Variants in CCDC69 observed in about 807,000 individuals in gnomAD.
CCDC69 encodes the protein coiled-coil domain containing 69, also known as coiled-coil domain-containing protein 69.
CCDC69 carries 38 observed loss-of-function variants against 40.3 expected under a neutral mutation model. The ratio of observed to expected loss-of-function variants is 0.94; its 90% CI spans 0.73 to 1.24. CCDC69 has a LOEUF of 1.24. Ranked by LOEUF, CCDC69 falls within the 50% of genes most tolerant of loss-of-function variation. The probability of loss-of-function intolerance (pLI) is 0.00; values close to 1 mark genes in which losing one functional copy is unlikely to be tolerated. For missense variants in CCDC69, 389 were observed against 357.9 expected (o/e 1.09, Z -0.70); for synonymous variants, 141 against 138.9 (o/e 1.02, Z -0.11).
rs773023950 is a variant in CCDC69, at chr5:151,224,021, G to A, written c.-51C>T. 8.0e-6 allele frequency: 12 copies of A among 1,494,292 alleles called. No individual in the cohort carries two copies. Among genetic ancestry groups the A allele is most frequent in the African/African-American group, 1.5e-5 (1 of 67,548 alleles). The allele number at this position is 1,494,292 out of a possible 1,614,324, so 92.6% of individuals were successfully genotyped here. On this transcript the variant is annotated 5_prime_UTR_variant, in exon 1 of 9. Transcript: ENST00000355417. Reference sequence around the variant, plus strand: ...GCTTCCCAACTCCGGGGCCCCCAGAGGAGCCTGCGATCCGGGCCCCGCTGC... The same window carrying A: ...GCTTCCCAACTCCGGGGCCCCCAGAAGAGCCTGCGATCCGGGCCCCGCTGC...
At chr5:151,206,694 G>C (rs1028281662) in intron 1 of CCDC69, among the ~76,000 whole-genome samples, 1 of 150,436 alleles carries the variant, frequency 6.6e-6, no homozygotes, top group African/African-American at 2.5e-5. Flanking sequence ...ACAGTGGCAC[G>C]ATCTCGGCTC....
Position 151,191,542 on chromosome 5 carries a change from C to T in CCDC69, c.320-4083G>A, listed in dbSNP as rs146091203. 5.1e-4 allele frequency among the ~76,000 whole-genome samples: 77 copies of T among 152,276 alleles called. No homozygotes were observed. The East Asian group carries it at 0.015, about 29-fold the overall frequency. On this transcript the variant is annotated intron_variant, in intron 4 of 8. Coordinates refer to ENST00000355417, the MANE Select transcript of CCDC69 (RefSeq NM_015621.3). ...GTTCTCTGACTGTAATGCAATCAAA[C>T]TGGAAATCAAATAACAGAAAGAGAA...
At position 151,186,122 on chromosome 5, in the gene CCDC69, C is replaced by G. The variant is rs748633557; in HGVS notation, c.396G>C (p.Glu132Asp). 1 of 1,610,076 alleles carries G rather than the reference C, an allele frequency of 6.2e-7. No individual in the cohort carries two copies. The highest frequency in any genetic ancestry group is 1.7e-5 in the Admixed American group (1 of 60,010). ...SFREASSTQQ[E>D]TIDRLTSQLE... Reference sequence around the variant, plus strand: ...GCTGTGAGGTCAGTCTGTCTATGGTCTCCTGGAGCAGGGAGTGGGATGGAG... The same window carrying G: ...GCTGTGAGGTCAGTCTGTCTATGGTGTCCTGGAGCAGGGAGTGGGATGGAG... Residue 132 changes from glutamate (E) to aspartate (D), a missense_variant and splice_region_variant, in exon 6 of 9, where the codon GAG becomes GAC. By Grantham distance (45) the Glu-to-Asp change is conservative. Transcript: ENST00000355417.
chr5:151,219,954 A>G (rs1190771264), intron 1 of CCDC69, among the ~76,000 whole-genome samples: 2 of 151,946 alleles, frequency 1.3e-5, no homozygotes, highest in Non-Finnish European at 2.9e-5. Flanking sequence ...ATTCCTCATG[A>G]GTAGAAATCT....
rs776559119 is a variant in CCDC69 at position 151,198,995 on chromosome 5, A to G, written c.319+2T>C. ...TGGCCAGTGGAACATCTCTACCCTT[A>G]CCTTGCAGGGCCTCTTCATTCTTTC... On this transcript the variant is annotated splice_donor_variant, in intron 4 of 8. Coordinates refer to ENST00000355417, the MANE Select transcript of CCDC69 (RefSeq NM_015621.3). LOFTEE classifies it high-confidence loss of function. 6.2e-7 allele frequency: 1 copy of G among 1,613,190 alleles called. No individual in the cohort carries two copies. The highest frequency in any genetic ancestry group is 2.2e-5 in the East Asian group (1 of 44,884).
chr5:151,212,042 A>C, intron 1 of CCDC69: 1 of 143,440 alleles, frequency 7.0e-6, no homozygotes, highest in African/African-American at 2.6e-5. Flanking sequence ...GGAGGGGGAC[A>C]TAAGAATTTT....
At chr5:151,212,087 G>A (rs1752961659) in intron 1 of CCDC69, 1 of 151,680 alleles carries the variant, frequency 6.6e-6, no homozygotes, top group Admixed American at 6.6e-5. Context: ...CATAGGGCTG[G>A]GGTGGGGTAT....
Position 151,183,588 on chromosome 5 carries a change from G to T in CCDC69, c.740C>A (p.Thr247Lys), listed in dbSNP as rs10064866. 1 of 1,611,922 alleles carries T rather than the reference G, an allele frequency of 6.2e-7. No homozygotes were observed. Among genetic ancestry groups the T allele is most frequent in the Admixed American group, 1.7e-5 (1 of 59,792 alleles). ...SRQLSEDLLL[T>K]REALEKEVQL... ...CACCTCCTTCTCCAGGGCCTCACGCGTGAGAAGCAGGTCTTCTGACAGCTG... is the reference window on the plus strand; with the variant it reads ...CACCTCCTTCTCCAGGGCCTCACGCTTGAGAAGCAGGTCTTCTGACAGCTG... The change falls in exon 9 of 9, where the codon ACG becomes AAG. Residue 247 changes from threonine (T) to lysine (K), a missense_variant. Coordinates refer to ENST00000355417, the MANE Select transcript of CCDC69 (RefSeq NM_015621.3).
chr5:151,186,173 C>T lies in CCDC69; in HGVS notation c.394-49G>A, dbSNP rs759852721. 3 of 1,305,660 alleles carry T rather than the reference C, an allele frequency of 2.3e-6. No homozygotes were observed. In the South Asian group the frequency reaches 3.5e-5, roughly 15 times the overall value. 80.9% of individuals were successfully genotyped at this position (1,305,660 alleles called of 1,614,324 possible). A position where few individuals can be genotyped will look rare whatever the true frequency, so the allele number is the denominator to read the frequency against. ...ACAATCAAAGCCTGCCTCATAAATG[C>T]TGTAGGTGAACTTCGCCACATCCCA... On this transcript the variant is annotated intron_variant, in intron 5 of 8. Coordinates refer to ENST00000355417, the MANE Select transcript of CCDC69 (RefSeq NM_015621.3).
rs111967863 is a variant in CCDC69 at position 151,217,767 on chromosome 5, C to T, written c.48+6156G>A. Among the ~76,000 whole-genome samples, 580 of 152,238 alleles carry T rather than the reference C, an allele frequency of 3.8e-3. 5 individuals carry two copies. Among genetic ancestry groups the T allele is most frequent in the Middle Eastern group, 6.8e-3 (2 of 294 alleles). Reference sequence around the variant, plus strand: ...TGGATTAGGGCCCATCCAATGTGACCTCATTTTAACTCAATGGCCCCTGCA... The same window carrying T: ...TGGATTAGGGCCCATCCAATGTGACTTCATTTTAACTCAATGGCCCCTGCA... On this transcript the variant is annotated intron_variant, in intron 1 of 8. Transcript: ENST00000355417.
Position 151,211,518 on chromosome 5 carries a change from CTT to C in CCDC69, c.49-6045_49-6044del, listed in dbSNP as rs774546814. On this transcript the variant is annotated intron_variant, in intron 1 of 8. Coordinates refer to ENST00000355417, the MANE Select transcript of CCDC69 (RefSeq NM_015621.3). The stretch of plus-strand genomic sequence containing the variant: ...TATGTGTGCTGGGAATTTGCATCTG[CTT>C]TTTTTTTTTTTTTTTTTTTTGAGAT... Among the ~76,000 whole-genome samples, 513 of 108,664 alleles carry C rather than the reference CTT, an allele frequency of 4.7e-3. 3 individuals carry two copies. Among genetic ancestry groups the C allele is most frequent in the African/African-American group, 0.018 (445 of 25,068 alleles). 71.3% of individuals were successfully genotyped at this position (108,664 alleles called of 152,430 possible).
intron 1 of CCDC69, among the ~76,000 whole-genome samples, chr5:151,206,306 G>A (rs7724774): frequency 0.085 from 12,943 of 152,240 alleles, 677 homozygotes; most frequent in Middle Eastern, 0.14. Context: ...GAACCTCCAT[G>A]TGTTCAGCTA....
rs751758796 is a variant in CCDC69 at position 151,183,061 on chromosome 5, G to A, written c.*376C>T. 2.5e-5 allele frequency: 12 copies of A among 472,644 alleles called. No individual in the cohort carries two copies. The highest frequency in any genetic ancestry group is 7.7e-5 in the South Asian group (5 of 64,716). The allele number at this position is 472,644 out of a possible 1,614,324, so 29.3% of individuals were successfully genotyped here. A position where few individuals can be genotyped will look rare whatever the true frequency, so the allele number is the denominator to read the frequency against. On this transcript the variant is annotated 3_prime_UTR_variant, in exon 9 of 9. Transcript: ENST00000355417. ...GAGGAAGTTGATAAGTCAGCAAGTC[G>A]GCAGCAGAGCTGACAAGCTGGGACC... is the stretch of plus-strand genomic sequence containing the variant.
rs1302974395 is a variant in CCDC69, at chr5:151,198,760, G to A, written c.319+237C>T. On this transcript the variant is annotated intron_variant, in intron 4 of 8. Coordinates refer to ENST00000355417, the MANE Select transcript of CCDC69 (RefSeq NM_015621.3). ...ATATGGATTGCTTTTTAAATGGAAA[G>A]AAAAAAATACCTCTCAAATAAGGAA... The A allele has an allele frequency of 2.1e-5, 9 of 423,332 alleles. No individual in the cohort carries two copies. The East Asian group carries it at 3.2e-4, about 15-fold the overall frequency. 26.2% of individuals were successfully genotyped at this position (423,332 alleles called of 1,614,324 possible). A position where few individuals can be genotyped will look rare whatever the true frequency, so the allele number is the denominator to read the frequency against.
At chr5:151,213,797 G>A (rs1257264278) in intron 1 of CCDC69, among the ~76,000 whole-genome samples, 2 of 152,200 alleles carry the variant, frequency 1.3e-5, no homozygotes, top group Non-Finnish European at 2.9e-5. Context: ...TGTCCTCATT[G>A]TTCCTGCTTA....
intron 1 of CCDC69, among the ~76,000 whole-genome samples, chr5:151,221,720 C>T (rs926759924): frequency 6.6e-6 from 1 of 152,194 alleles, no homozygotes; most frequent in Non-Finnish European, 1.5e-5. Context: ...TGAGACTGGG[C>T]GGGATGTGAA....
chr5:151,189,610 C>T (rs2113986258), intron 4 of CCDC69, among the ~76,000 whole-genome samples: 1 of 151,700 alleles, frequency 6.6e-6, no homozygotes, highest in East Asian at 1.9e-4. Flanking sequence ...ATTCCACAAA[C>T]TTGCCAAAAC....
At chr5:151,203,659 G>A (rs1264391660) in intron 2 of CCDC69, among the ~76,000 whole-genome samples, 22 of 134,868 alleles carry the variant, frequency 1.6e-4, no homozygotes, top group Non-Finnish European at 3.1e-4. Context: ...TGCATATTTA[G>A]TATATATAAA....
At chr5:151,194,326 T>A (rs1752664093) in intron 4 of CCDC69, among the ~76,000 whole-genome samples, 1 of 152,158 alleles carries the variant, frequency 6.6e-6, no homozygotes, top group Non-Finnish European at 1.5e-5. Context: ...GGAATATAAC[T>A]CCACAATGAA....
Sources: gnomAD v4.1 joint callset for allele counts (sites outside exome capture counted in the v4.1 genomes callset) on GRCh38, gnomAD v4.1.1 for gene constraint, MANE v1.5 for transcripts, NCBI Gene and HGNC (gene_info 2026-07-23, HGNC 2026-07-21) for gene names.